The following CADM2 variants were observed in gnomAD, a reference collection of about 807,000 sequenced individuals.
CADM2 encodes immunoglobulin superfamily member 4D.
Under a neutral mutation model 49.8 loss-of-function variants are expected in CADM2, and 12 were observed. The observed-to-expected ratio is 0.24, with a 90% CI of 0.15 to 0.39. CADM2 has a LOEUF of 0.39. Among genes scored for constraint, CADM2 ranks in the 10% least tolerant of loss-of-function variants. The pLI, the probability that CADM2 is intolerant of heterozygous loss-of-function variation, is 1.00. For missense variants in CADM2, 378 were observed against 492.3 expected, an observed-to-expected ratio of 0.77 and a Z score of 2.20; for synonymous variants, 214 against 175.4, an observed-to-expected ratio of 1.22 and a Z score of -1.74.
At chr3:85,824,782 A>G (rs931199737) in intron 3 of CADM2, among the ~76,000 whole-genome samples, 7 of 152,116 alleles carry the variant, frequency 4.6e-5, no homozygotes, top group Non-Finnish European at 1.0e-4. Context: ...CAGGTACTTC[A>G]TATGAGAAGC....
intron 2 of CADM2, among the ~76,000 whole-genome samples, chr3:85,729,472 T>A (rs2107791230): frequency 7.6e-6 from 1 of 131,412 alleles, no homozygotes; most frequent in Admixed American, 7.9e-5. Flanking sequence ...CTCAGAAAAC[T>A]TATAACTGGG....
At chr3:85,377,723 T>C (rs1266184201) in intron 1 of CADM2, among the ~76,000 whole-genome samples, 1 of 152,078 alleles carries the variant, frequency 6.6e-6, no homozygotes, top group African/African-American at 2.4e-5. Flanking sequence ...TGAAAACACA[T>C]TTTTAAAAGT....
intron 1 of CADM2, among the ~76,000 whole-genome samples, chr3:85,360,579 T>C (rs953622686): frequency 4.6e-5 from 7 of 152,190 alleles, no homozygotes; most frequent in Admixed American, 1.3e-4. Context: ...TGGCCTCTCC[T>C]GAATATTTAT....
intron 1 of CADM2, among the ~76,000 whole-genome samples, chr3:85,371,015 T>C (rs2033188311): frequency 6.6e-6 from 1 of 152,166 alleles, no homozygotes; most frequent in Non-Finnish European, 1.5e-5. Context: ...AAGTTTTGTA[T>C]TTTATACAGG....
chr3:85,401,811 C>T (rs1255176285), intron 1 of CADM2, among the ~76,000 whole-genome samples: 2 of 152,088 alleles, frequency 1.3e-5, no homozygotes, highest in South Asian at 2.1e-4. Flanking sequence ...GGATTTGGGG[C>T]TTAGTGTCAG....
At chr3:85,290,958 GAGA>G (rs1418894466) in intron 1 of CADM2, among the ~76,000 whole-genome samples, 1 of 152,238 alleles carries the variant, frequency 6.6e-6, no homozygotes, top group Non-Finnish European at 1.5e-5. Context: ...GATGAGCTGA[GAGA>G]AGAAGGCTTC....
At chr3:85,495,483 AT>A (rs1307260414) in intron 1 of CADM2, among the ~76,000 whole-genome samples, 1 of 152,104 alleles carries the variant, frequency 6.6e-6, no homozygotes, top group Non-Finnish European at 1.5e-5. Flanking sequence ...AAGCCCTAAA[AT>A]TATCAATTTT....
At chr3:85,229,089 G>T (rs1028554605) in intron 1 of CADM2, among the ~76,000 whole-genome samples, 2 of 152,126 alleles carry the variant, frequency 1.3e-5, no homozygotes, top group Non-Finnish European at 2.9e-5. Flanking sequence ...TGAACTTCCT[G>T]GCAGCTTTAT....
In CADM2 at chr3:85,290,731, T is replaced by A. The variant is rs1162142393; in HGVS notation, c.61+331063T>A. On this transcript the variant is annotated intron_variant, in intron 1 of 9. Transcript: ENST00000383699. ...AACAGACCTGCAGCTGAGGGTCCTG[T>A]CTGTTAGAAGGAAAACTAACAAACA... Among the ~76,000 whole-genome samples the A allele has an allele frequency of 2.6e-5, 4 of 152,270 alleles. No individual in the cohort carries two copies. The East Asian group carries it at 5.8e-4, about 22-fold the overall frequency.
chr3:85,525,459 T>C (rs1364566143), intron 1 of CADM2, among the ~76,000 whole-genome samples: 1 of 152,142 alleles, frequency 6.6e-6, no homozygotes, highest in East Asian at 1.9e-4. Flanking sequence ...AGGTTATTCT[T>C]GGTCGTGACT....
intron 1 of CADM2, among the ~76,000 whole-genome samples, chr3:85,008,558 G>A (rs1273270843): frequency 1.3e-5 from 2 of 151,920 alleles, no homozygotes; most frequent in East Asian, 1.9e-4. Flanking sequence ...TTAAAAGTGA[G>A]GGAAAAAATA....
At chr3:85,333,218 G>A (rs1392247635) in intron 1 of CADM2, among the ~76,000 whole-genome samples, 2 of 151,624 alleles carry the variant, frequency 1.3e-5, no homozygotes, top group Non-Finnish European at 3.0e-5. Flanking sequence ...TGAATGAATA[G>A]AATGATTATG....
At position 85,600,204 on chromosome 3, in the gene CADM2, C is replaced by T. The variant is rs555156852; in HGVS notation, c.62-126318C>T. Among the ~76,000 whole-genome samples the T allele has an allele frequency of 4.6e-5, 7 of 151,792 alleles. No homozygotes were observed. The South Asian group carries it at 1.5e-3, about 31-fold the overall frequency. On this transcript the variant is annotated intron_variant, in intron 1 of 9. Coordinates refer to ENST00000383699, the MANE Select transcript of CADM2 (RefSeq NM_001167675.2). Reference sequence around the variant, plus strand: ...TTATATGTTTGAATGCCAAAATGTACCCTGCCTCTCCACAATAATCATAGA... The same window carrying T: ...TTATATGTTTGAATGCCAAAATGTATCCTGCCTCTCCACAATAATCATAGA...
intron 8 of CADM2, among the ~76,000 whole-genome samples, chr3:86,035,195 C>T (rs1290958903): frequency 3.3e-5 from 5 of 151,990 alleles, no homozygotes; most frequent in East Asian, 1.9e-4. Flanking sequence ...TTCTGAGCTC[C>T]CTGAACTCTT....
intron 1 of CADM2, among the ~76,000 whole-genome samples, chr3:85,549,943 T>A (rs780668007): frequency 6.6e-6 from 1 of 152,102 alleles, no homozygotes; most frequent in East Asian, 1.9e-4. Flanking sequence ...TTTTTTTAAT[T>A]AAAAATGAGC....
At chr3:85,568,443 CTTTCTTTCTTTCTT>C (rs1307021943) in intron 1 of CADM2, among the ~76,000 whole-genome samples, 1 of 34,854 alleles carries the variant, frequency 2.9e-5, no homozygotes, top group African/African-American at 9.5e-5. Flanking sequence ...TTCTTTCTTT[CTTTCTTTCTTTCTT>C]TCTTTCTCTT....
chr3:85,020,694 T>C (rs771165822), intron 1 of CADM2, among the ~76,000 whole-genome samples: 2 of 152,072 alleles, frequency 1.3e-5, no homozygotes, highest in Non-Finnish European at 2.9e-5. Context: ...ACCTTAAAAT[T>C]AGATATGAGA....
intron 6 of CADM2, among the ~76,000 whole-genome samples, chr3:85,916,372 C>T (rs985116300): frequency 6.9e-6 from 1 of 144,540 alleles, no homozygotes. Context: ...CTTCCTGTGT[C>T]CATGTGTTCT....
At chr3:84,964,479 C>A (rs1414275885) in intron 1 of CADM2, among the ~76,000 whole-genome samples, 1 of 152,222 alleles carries the variant, frequency 6.6e-6, no homozygotes, top group South Asian at 2.1e-4. Context: ...GACAAGTGCT[C>A]TATGATATTT....
Sources: allele counts gnomAD v4.1 joint callset (sites outside exome capture counted in the v4.1 genomes callset), GRCh38; gene constraint gnomAD v4.1.1; transcripts MANE v1.5; gene names NCBI Gene and HGNC (gene_info 2026-07-23, HGNC 2026-07-21).